The following ZNF573 variants were observed in gnomAD, a reference collection of about 807,000 sequenced individuals.
The protein encoded by ZNF573 is zinc finger protein 573.
Under a neutral mutation model 57.4 loss-of-function variants are expected in ZNF573, and 41 were observed. That is an observed-to-expected ratio of 0.71 (90% CI 0.56 to 0.93). ZNF573 has a LOEUF of 0.93. ZNF573 is among the 40% of genes least tolerant of loss of function. The pLI is 0.00. For missense variants in ZNF573, 730 were observed against 794.8 expected (o/e 0.92, Z 0.98); for synonymous variants, 249 against 261.0 (o/e 0.95, Z 0.44).
chr19:37,769,673 C>A (rs561546713), intron 4 of ZNF573, among the ~76,000 whole-genome samples: 2 of 131,194 alleles, frequency 1.5e-5, no homozygotes, highest in South Asian at 2.4e-4. Flanking sequence ...TTGCAATAAG[C>A]GGAGATCAAG....
intron 4 of ZNF573, among the ~76,000 whole-genome samples, chr19:37,744,115 T>C (rs533420070): frequency 1.3e-5 from 2 of 151,486 alleles, no homozygotes; most frequent in South Asian, 4.2e-4. Context: ...TGTTTTTTTT[T>C]TAGAAGAAAG....
chr19:37,767,626 C>T (rs1407397411), intron 4 of ZNF573, among the ~76,000 whole-genome samples: 1 of 152,160 alleles, frequency 6.6e-6, no homozygotes, highest in Non-Finnish European at 1.5e-5. Context: ...TGCCCTAACA[C>T]CTTACCTCTT....
At chr19:37,778,230 A>G (rs1320613827) in intron 1 of ZNF573, among the ~76,000 whole-genome samples, 2 of 149,418 alleles carry the variant, frequency 1.3e-5, no homozygotes, top group African/African-American at 2.4e-5. Context: ...AATAATCCAC[A>G]TAAGGCTGGG....
chr19:37,769,217 C>T (rs551174544), intron 4 of ZNF573, among the ~76,000 whole-genome samples: 40 of 151,110 alleles, frequency 2.6e-4, no homozygotes, highest in Non-Finnish European at 4.7e-4. Context: ...AGCCACCCAC[C>T]TTGGCCTCTC....
chr19:37,769,207 A>T (rs539486209), intron 4 of ZNF573, among the ~76,000 whole-genome samples: 3 of 149,464 alleles, frequency 2.0e-5, no homozygotes, highest in East Asian at 4.0e-4. Context: ...TGACCTCCTG[A>T]GCCACCCACC....
rs118077280 is a variant in ZNF573 at position 37,772,791 on chromosome 19, G to A, written c.69+870C>T. On this transcript the variant is annotated intron_variant, in intron 2 of 4. Coordinates refer to ENST00000536220, the MANE Select transcript of ZNF573 (RefSeq NM_001172690.2). Reference sequence around the variant, plus strand: ...TGGGACTACAGGGGCAAGTCACCATGCCCAGATGATTTTTGTACTTTTTTT... The same window carrying A: ...TGGGACTACAGGGGCAAGTCACCATACCCAGATGATTTTTGTACTTTTTTT... The A allele has an allele frequency of 5.4e-3, 992 of 184,794 alleles. 30 individuals carry two copies. Among genetic ancestry groups the A allele is most frequent in the East Asian group, 0.053 (280 of 5,280 alleles). 11.4% of individuals were successfully genotyped at this position (184,794 alleles called of 1,614,324 possible). A position where few individuals can be genotyped will look rare whatever the true frequency, so the allele number is the denominator to read the frequency against.
At chr19:37,756,518 A>T (rs1004063773) in intron 4 of ZNF573, among the ~76,000 whole-genome samples, 1 of 152,136 alleles carries the variant, frequency 6.6e-6, no homozygotes, top group Non-Finnish European at 1.5e-5. Context: ...GAAGAATGTT[A>T]TATCACTAGA....
At chr19:37,758,240 TATATATATATATATATATATATATA>T (rs2045513677) in intron 4 of ZNF573, among the ~76,000 whole-genome samples, 2 of 69,658 alleles carry the variant, frequency 2.9e-5, no homozygotes, top group Non-Finnish European at 5.6e-5. Context: ...TATATATATA[TATATATATATATATATATATATATA>T]AAATTACCCA....
chr19:37,764,902 CTT>C lies in ZNF573; in HGVS notation c.295+5101_295+5102del, dbSNP rs34049888. On this transcript the variant is annotated intron_variant, in intron 4 of 4. Transcript: ENST00000536220. Reference sequence around the variant, plus strand: ...ACAGGCATGAGCCACTGTGCCCGGCCTTTTTTTTTTTTTTTTTTTTGAGACGG... The same window carrying C: ...ACAGGCATGAGCCACTGTGCCCGGCCTTTTTTTTTTTTTTTTTTGAGACGG... 6.5e-4 allele frequency among the ~76,000 whole-genome samples: 69 copies of C among 106,492 alleles called. 1 individual carries two copies. Among genetic ancestry groups the C allele is most frequent in the African/African-American group, 1.3e-3 (31 of 24,706 alleles). 69.9% of individuals were successfully genotyped at this position (106,492 alleles called of 152,430 possible).
intron 1 of ZNF573, among the ~76,000 whole-genome samples, chr19:37,774,333 G>T (rs1214062236): frequency 6.6e-6 from 1 of 151,754 alleles, no homozygotes; most frequent in Non-Finnish European, 1.5e-5. Flanking sequence ...TAGAGACGGG[G>T]TTTCACTATG....
At chr19:37,751,839 C>A in intron 4 of ZNF573, among the ~76,000 whole-genome samples, 1 of 42,084 alleles carries the variant, frequency 2.4e-5, no homozygotes, top group African/African-American at 7.9e-5. Flanking sequence ...TACATAGTAC[C>A]GTATATATAC....
intron 4 of ZNF573, among the ~76,000 whole-genome samples, chr19:37,755,686 A>T (rs1352465388): frequency 6.6e-6 from 1 of 152,208 alleles, no homozygotes. Flanking sequence ...ATCAAAAAAG[A>T]ATGAAAATAA....
In ZNF573 at chr19:37,767,735, A is replaced by G. The variant is rs575039992; in HGVS notation, c.295+2270T>C. On this transcript the variant is annotated intron_variant, in intron 4 of 4. Transcript: ENST00000536220. ...TATTTAGAGGATATAGAGGGGTCAG[A>G]GAACATATTTAAGCAAATCTCAGGG... Among the ~76,000 whole-genome samples, 8 of 152,346 alleles carry G rather than the reference A, an allele frequency of 5.3e-5. No individual in the cohort carries two copies. The South Asian group carries it at 1.0e-3, about 20-fold the overall frequency.
intron 4 of ZNF573, among the ~76,000 whole-genome samples, chr19:37,742,916 C>G (rs945823383): frequency 2.0e-5 from 3 of 152,060 alleles, no homozygotes; most frequent in African/African-American, 7.2e-5. Context: ...GAAACCTACC[C>G]ATCTGACAAA....
intron 4 of ZNF573, among the ~76,000 whole-genome samples, chr19:37,757,436 AT>A (rs2045499808): frequency 6.6e-6 from 1 of 152,104 alleles, no homozygotes; most frequent in Non-Finnish European, 1.5e-5. Flanking sequence ...CGACCTCGTG[AT>A]CTGCCTGCCT....
At chr19:37,754,853 A>T (rs2045472368) in intron 4 of ZNF573, among the ~76,000 whole-genome samples, 1 of 152,242 alleles carries the variant, frequency 6.6e-6, no homozygotes, top group African/African-American at 2.4e-5. Context: ...ACAGCCACAC[A>T]ACATAACACC....
intron 4 of ZNF573, among the ~76,000 whole-genome samples, chr19:37,751,648 A>G (rs1377842293): frequency 1.1e-4 from 14 of 121,896 alleles, no homozygotes; most frequent in Non-Finnish European, 2.0e-4. Flanking sequence ...CTGTGTATAT[A>G]TACAGTATAG....
At chr19:37,768,808 G>A (rs2045625308) in intron 4 of ZNF573, among the ~76,000 whole-genome samples, 1 of 151,584 alleles carries the variant, frequency 6.6e-6, no homozygotes, top group Non-Finnish European at 1.5e-5. Context: ...TGGGACTACA[G>A]GCGCCCGCCA....
chr19:37,746,538 T>C (rs139742483), intron 4 of ZNF573, among the ~76,000 whole-genome samples: 1 of 152,284 alleles, frequency 6.6e-6, no homozygotes, highest in East Asian at 1.9e-4. Context: ...ATTATTAATA[T>C]ATGTAAGCAT....
Sources: allele counts gnomAD v4.1 joint callset (sites outside exome capture counted in the v4.1 genomes callset), GRCh38; gene constraint gnomAD v4.1.1; transcripts MANE v1.5; gene names NCBI Gene and HGNC (gene_info 2026-07-23, HGNC 2026-07-21).